The following FSTL5 variants were observed in gnomAD, a reference collection of about 807,000 sequenced individuals.
FSTL5 encodes the protein follistatin-related protein 5.
FSTL5 carries 62 observed loss-of-function variants against 89.1 expected under a neutral mutation model. That is an observed-to-expected ratio of 0.70 (90% confidence interval 0.57 to 0.86). The LOEUF is 0.86. FSTL5 is among the 40% of genes least tolerant of loss of function. The pLI is 0.00. For missense variants in FSTL5, 1,057 were observed against 1,001.6 expected, an observed-to-expected ratio of 1.06 and a Z score of -0.75; for synonymous variants, 383 against 346.2, an observed-to-expected ratio of 1.11 and a Z score of -1.18.
chr4:161,979,051 T>C (rs1474227308), intron 3 of FSTL5, among the ~76,000 whole-genome samples: 3 of 152,186 alleles, frequency 2.0e-5, no homozygotes, highest in South Asian at 2.1e-4. Flanking sequence ...CAGACTGTTA[T>C]AAAGATTAGA....
intron 10 of FSTL5, among the ~76,000 whole-genome samples, chr4:161,518,500 A>C (rs1730917562): frequency 6.6e-6 from 1 of 152,264 alleles, no homozygotes; most frequent in African/African-American, 2.4e-5. Context: ...TAACTATGTA[A>C]TGCAGATTTC....
chr4:161,463,519 G>T (rs755436326), intron 13 of FSTL5, among the ~76,000 whole-genome samples: 4 of 151,996 alleles, frequency 2.6e-5, no homozygotes, highest in Non-Finnish European at 5.9e-5. Context: ...ATACTTCCAT[G>T]ACCCAATTTT....
At chr4:161,821,162 C>T (rs1000534892) in intron 4 of FSTL5, among the ~76,000 whole-genome samples, 3 of 151,974 alleles carry the variant, frequency 2.0e-5, no homozygotes, top group Non-Finnish European at 4.4e-5. Context: ...CTTAGCCTCC[C>T]GAGTAGCTGG....
At chr4:162,080,796 A>AACTC (rs1730061914) in intron 2 of FSTL5, among the ~76,000 whole-genome samples, 1 of 151,554 alleles carries the variant, frequency 6.6e-6, no homozygotes, top group Non-Finnish European at 1.5e-5. Context: ...GAGTTTGAGA[A>AACTC]ACAAACTATG....
At chr4:162,005,359 TA>T (rs1403814124) in intron 3 of FSTL5, among the ~76,000 whole-genome samples, 2 of 152,174 alleles carry the variant, frequency 1.3e-5, no homozygotes, top group Non-Finnish European at 2.9e-5. Context: ...TCTTTCTTGC[TA>T]AACTATACTT....
intron 13 of FSTL5, among the ~76,000 whole-genome samples, chr4:161,476,881 C>A (rs911384889): frequency 1.6e-4 from 25 of 152,154 alleles, no homozygotes; most frequent in African/African-American, 5.3e-4. Flanking sequence ...ACAGATACCC[C>A]AAATGTAAAG....
chr4:162,084,175 T>C (rs1484882365), intron 2 of FSTL5, among the ~76,000 whole-genome samples: 1 of 151,996 alleles, frequency 6.6e-6, no homozygotes, highest in Admixed American at 6.6e-5. Flanking sequence ...TTATAAATTA[T>C]AGAACCAGAG....
Position 161,678,553 on chromosome 4 carries a change from T to G in FSTL5, c.728-22059A>C, listed in dbSNP as rs191424271. ...AAGTTGGATTTCAGATGGAGCTCTA[T>G]CATCACTTTTGATCAACAGAAAGAA... On this transcript the variant is annotated intron_variant, in intron 6 of 15. Coordinates refer to ENST00000306100, the MANE Select transcript of FSTL5 (RefSeq NM_020116.5). Among the ~76,000 whole-genome samples the G allele has an allele frequency of 1.7e-4, 26 of 151,998 alleles. No individual in the cohort carries two copies. The East Asian group carries it at 5.0e-3, about 29-fold the overall frequency.
intron 4 of FSTL5, among the ~76,000 whole-genome samples, chr4:161,832,303 A>G (rs926179260): frequency 2.0e-5 from 3 of 152,128 alleles, no homozygotes; most frequent in Non-Finnish European, 4.4e-5. Flanking sequence ...CGATCCTTCC[A>G]GATAGCAAGA....
intron 3 of FSTL5, among the ~76,000 whole-genome samples, chr4:161,980,477 C>CT (rs563250564): frequency 2.0e-5 from 3 of 150,870 alleles, no homozygotes; most frequent in Non-Finnish European, 3.0e-5. Flanking sequence ...CAGCAGTTTG[C>CT]TTTTTTTTTC....
intron 2 of FSTL5, among the ~76,000 whole-genome samples, chr4:162,049,307 C>T (rs1027309580): frequency 1.1e-4 from 17 of 152,106 alleles, no homozygotes; most frequent in South Asian, 4.1e-4. Context: ...AGGAATGTAA[C>T]ATTTATGTTT....
intron 4 of FSTL5, among the ~76,000 whole-genome samples, chr4:161,837,391 C>T (rs567823475): frequency 1.3e-5 from 2 of 151,832 alleles, no homozygotes; most frequent in Non-Finnish European, 2.9e-5. Flanking sequence ...ATCTCAAATA[C>T]TATAAAAGTT....
intron 12 of FSTL5, among the ~76,000 whole-genome samples, chr4:161,490,693 CA>C (rs1205817571): frequency 3.9e-5 from 6 of 152,054 alleles, no homozygotes; most frequent in East Asian, 3.9e-4. Context: ...CTCTGAAATG[CA>C]ATCAATTTAT....
At chr4:161,638,562 C>A (rs1277877706) in intron 7 of FSTL5, among the ~76,000 whole-genome samples, 3 of 151,200 alleles carry the variant, frequency 2.0e-5, no homozygotes, top group Non-Finnish European at 2.9e-5. Context: ...TGAATTCTAC[C>A]AGAGGTACAA....
chr4:161,766,773 A>G (rs1253948488), intron 5 of FSTL5, among the ~76,000 whole-genome samples: 1 of 152,100 alleles, frequency 6.6e-6, no homozygotes, highest in Non-Finnish European at 1.5e-5. Flanking sequence ...GGTGTAGACA[A>G]CGGCTGTATA....
intron 7 of FSTL5, among the ~76,000 whole-genome samples, chr4:161,608,846 G>T (rs567996714): frequency 2.5e-4 from 38 of 152,010 alleles, no homozygotes; most frequent in African/African-American, 8.7e-4. Flanking sequence ...CACCCAAAGT[G>T]GTCTCTGTCA....
At chr4:161,806,354 T>C (rs1022926694) in intron 4 of FSTL5, among the ~76,000 whole-genome samples, 3 of 152,128 alleles carry the variant, frequency 2.0e-5, no homozygotes, top group Admixed American at 6.6e-5. Context: ...TGTCCATTTC[T>C]GCCACCAATA....
At chr4:162,061,548 A>T (rs1032029409) in intron 2 of FSTL5, among the ~76,000 whole-genome samples, 1 of 152,202 alleles carries the variant, frequency 6.6e-6, no homozygotes, top group Non-Finnish European at 1.5e-5. Flanking sequence ...GATGACTCTC[A>T]GAAATAACTG....
chr4:161,995,617 C>T (rs140131503), intron 3 of FSTL5, among the ~76,000 whole-genome samples: 20 of 152,210 alleles, frequency 1.3e-4, no homozygotes, highest in South Asian at 2.1e-4. Context: ...CGCATCAGTG[C>T]TTTCCTAGGA....
Sources: allele counts gnomAD v4.1 joint callset (sites outside exome capture counted in the v4.1 genomes callset), GRCh38; gene constraint gnomAD v4.1.1; transcripts MANE v1.5; gene names NCBI Gene and HGNC (gene_info 2026-07-23, HGNC 2026-07-21).